Variants in CUL4A observed in about 807,000 individuals in gnomAD.
CUL4A encodes the protein cullin-4A.
Under a neutral mutation model 95.5 loss-of-function variants are expected in CUL4A, and 16 were observed. The ratio of observed to expected loss-of-function variants is 0.17; its 90% CI spans 0.11 to 0.25. The LOEUF (loss-of-function observed/expected upper bound fraction) is 0.25, where lower values mean the gene tolerates loss of function less well. CUL4A is among the 10% of genes least tolerant of loss of function. CUL4A has a pLI of 1.00. For synonymous variants in CUL4A, 380 were observed against 353.1 expected, an observed-to-expected ratio of 1.08 and a Z score of -0.85; for missense variants, 610 against 937.0, an observed-to-expected ratio of 0.65 and a Z score of 4.56.
rs2042346939 is a variant in CUL4A at position 113,263,647 on chromosome 13, T to C, written c.*65T>C. ...GTACCCTCAGAGCAGGAAGCACACC[T>C]GTGCCATTTCTGGGACTCTGATTGA... On this transcript the variant is annotated 3_prime_UTR_variant, in exon 20 of 20. Transcript: ENST00000375440. The C allele has an allele frequency of 2.9e-6, 3 of 1,052,172 alleles. No homozygotes were observed. The highest frequency in any genetic ancestry group is 2.6e-5 in the East Asian group (1 of 38,108). The allele number at this position is 1,052,172 out of a possible 1,614,324, so 65.2% of individuals were successfully genotyped here. A position where few individuals can be genotyped will look rare whatever the true frequency, so the allele number is the denominator to read the frequency against.
chr13:113,258,054 C>CTGGA (rs2042175407), intron 18 of CUL4A, among the ~76,000 whole-genome samples: 1 of 152,084 alleles, frequency 6.6e-6, no homozygotes, highest in South Asian at 2.1e-4. Context: ...GTCGCCCAGG[C>CTGGA]TGGAGTGCAG....
In CUL4A at chr13:113,243,078, G is replaced by A. The variant is rs971211908; in HGVS notation, c.1146G>A (p.Lys382=). 6.2e-7 allele frequency: 1 copy of A among 1,614,124 alleles called. No homozygotes were observed. Among genetic ancestry groups the A allele is most frequent in the Non-Finnish European group, 8.5e-7 (1 of 1,180,036 alleles). Residue 382 remains lysine (K), a synonymous_variant, in exon 11 of 20, where the codon AAG becomes AAA. Coordinates refer to ENST00000375440, the MANE Select transcript of CUL4A (RefSeq NM_001008895.4). ...VDHVIEVCFQ[K]NERFVNLMKE... is the part of the protein sequence containing the mutation. ...ACGTGATCGAGGTCTGCTTCCAGAAGAATGAGCGGTTCGTCAACCTGATGA... is the reference window on the plus strand; with the variant it reads ...ACGTGATCGAGGTCTGCTTCCAGAAAAATGAGCGGTTCGTCAACCTGATGA...
intron 8 of CUL4A, among the ~76,000 whole-genome samples, chr13:113,235,478 G>A (rs905383887): frequency 7.9e-5 from 12 of 151,986 alleles, no homozygotes; most frequent in East Asian, 5.8e-4. Context: ...ATTTTATATC[G>A]CTTTAATTTT....
chr13:113,252,158 C>T (rs1017698225), intron 15 of CUL4A, among the ~76,000 whole-genome samples: 19 of 152,258 alleles, frequency 1.2e-4, no homozygotes, highest in Admixed American at 5.2e-4. Flanking sequence ...GAGCAGGATC[C>T]GGGCGATGGG....
At chr13:113,225,143 AGTAGGCT>A (rs1259618106) in intron 3 of CUL4A, among the ~76,000 whole-genome samples, 1 of 152,092 alleles carries the variant, frequency 6.6e-6, no homozygotes, top group Admixed American at 6.5e-5. Context: ...AACTCGTCTC[AGTAGGCT>A]GTATAAATCG....
At chr13:113,209,478 G>A, upstream of CUL4A, 1 of 281,042 alleles carries the variant, frequency 3.6e-6, no homozygotes, top group Non-Finnish European at 5.4e-6. Flanking sequence ...GGAGTAGCCG[G>A]GCGCGGCGGC....
rs536482868 is a variant in CUL4A at position 113,243,621 on chromosome 13, AAG to A, written c.1228+466_1228+467del. ...TTTAATTCGAAGGAGAAAGGGGGCAAAGAGAGCTGAAATACGACGATACTAGA... is the reference window on the plus strand; with the variant it reads ...TTTAATTCGAAGGAGAAAGGGGGCAAAGAGCTGAAATACGACGATACTAGA... On this transcript the variant is annotated intron_variant, in intron 11 of 19. Coordinates refer to ENST00000375440, the MANE Select transcript of CUL4A (RefSeq NM_001008895.4). Among the ~76,000 whole-genome samples the A allele has an allele frequency of 3.9e-4, 59 of 152,112 alleles. No homozygotes were observed. The South Asian group carries it at 7.9e-3, about 20-fold the overall frequency.
intron 15 of CUL4A, among the ~76,000 whole-genome samples, chr13:113,249,914 G>C (rs370327456): frequency 6.6e-6 from 1 of 152,122 alleles, no homozygotes; most frequent in Non-Finnish European, 1.5e-5. Flanking sequence ...GTCTGTTCAC[G>C]TGCTTTGCCT....
At chr13:113,230,922 C>CA (rs1401634957) in intron 5 of CUL4A, among the ~76,000 whole-genome samples, 1 of 152,024 alleles carries the variant, frequency 6.6e-6, no homozygotes, top group Non-Finnish European at 1.5e-5. Flanking sequence ...AGGCACGCAC[C>CA]ACCACATTCG....
intron 15 of CUL4A, among the ~76,000 whole-genome samples, chr13:113,250,709 A>G (rs2041972530): frequency 6.6e-6 from 1 of 152,176 alleles, no homozygotes; most frequent in South Asian, 2.1e-4. Context: ...TCAAGGCAAA[A>G]AGAAAGAAGA....
At position 113,210,100 on chromosome 13, in the gene CUL4A, G is replaced by A; in HGVS notation, c.264+12G>A. 6.7e-7 allele frequency: 1 copy of A among 1,481,908 alleles called. No homozygotes were observed. The highest frequency in any genetic ancestry group is 9.0e-7 in the Non-Finnish European group (1 of 1,112,486). The allele number at this position is 1,481,908 out of a possible 1,614,324, so 91.8% of individuals were successfully genotyped here. Reference sequence around the variant, plus strand: ...AGGAGCTCTACCAGGTGAGGCGGCGGCCGGGGCTGGGGACGCCGCTCCTGC... The same window carrying A: ...AGGAGCTCTACCAGGTGAGGCGGCGACCGGGGCTGGGGACGCCGCTCCTGC... On this transcript the variant is annotated intron_variant, in intron 2 of 19. Transcript: ENST00000375440.
Position 113,234,012 on chromosome 13 carries a change from C to T in CUL4A, c.765+26C>T, listed in dbSNP as rs184027503. On this transcript the variant is annotated intron_variant, in intron 7 of 19. Coordinates refer to ENST00000375440, the MANE Select transcript of CUL4A (RefSeq NM_001008895.4). ...GTGAGATGATGGGATGTTTCCGAAT[C>T]CCCTGGCTTCGTTTCTGCAGATGAG... is the stretch of plus-strand genomic sequence containing the variant. The T allele has an allele frequency of 2.0e-3, 2,967 of 1,487,206 alleles. 4 individuals carry two copies. Among genetic ancestry groups the T allele is most frequent in the Non-Finnish European group, 2.3e-3 (2,465 of 1,071,308 alleles). The allele number at this position is 1,487,206 out of a possible 1,614,324, so 92.1% of individuals were successfully genotyped here. A position where few individuals can be genotyped will look rare whatever the true frequency, so the allele number is the denominator to read the frequency against.
At chr13:113,234,401 T>TA in intron 7 of CUL4A, among the ~76,000 whole-genome samples, 1 of 152,264 alleles carries the variant, frequency 6.6e-6, no homozygotes, top group East Asian at 1.9e-4. Flanking sequence ...CCAAAAAACT[T>TA]AATCACCTTT....
intron 14 of CUL4A, among the ~76,000 whole-genome samples, chr13:113,245,733 G>T (rs1011093784): frequency 2.0e-5 from 3 of 152,150 alleles, no homozygotes; most frequent in Non-Finnish European, 2.9e-5. Flanking sequence ...AGATCTAAAC[G>T]TGTGGCAAGA....
At chr13:113,241,191 G>A (rs1595399844) in intron 10 of CUL4A, among the ~76,000 whole-genome samples, 1 of 152,140 alleles carries the variant, frequency 6.6e-6, no homozygotes, top group South Asian at 2.1e-4. Flanking sequence ...TTTTGCCAGT[G>A]AGACAGTCTT....
chr13:113,208,311 C>G (rs748483828), upstream of CUL4A: 1 of 1,432,074 alleles, frequency 7.0e-7, no homozygotes, highest in African/African-American at 1.4e-5. Flanking sequence ...CACGTGCCAG[C>G]AAGTGAGGGC....
In CUL4A at chr13:113,239,622, C is replaced by T. The variant is rs1262271102; in HGVS notation, c.1035+71C>T. ...GGAGCAGAGCCCCTCCTGAGAACGCCTAGTGTGCCCTGGCAAAGGGAACTG... is the reference window on the plus strand; with the variant it reads ...GGAGCAGAGCCCCTCCTGAGAACGCTTAGTGTGCCCTGGCAAAGGGAACTG... On this transcript the variant is annotated intron_variant, in intron 10 of 19. Coordinates refer to ENST00000375440, the MANE Select transcript of CUL4A (RefSeq NM_001008895.4). The T allele has an allele frequency of 4.3e-6, 5 of 1,161,786 alleles. No individual in the cohort carries two copies. In the African/African-American group the frequency reaches 6.2e-5, roughly 14 times the overall value. The allele number at this position is 1,161,786 out of a possible 1,614,324, so 72.0% of individuals were successfully genotyped here. A position where few individuals can be genotyped will look rare whatever the true frequency, so the allele number is the denominator to read the frequency against.
intron 16 of CUL4A, 96 bp from the exon 17 acceptor site, chr13:113,254,594 CAAA>C (rs34804715): frequency 3.1e-6 from 2 of 641,382 alleles, no homozygotes; most frequent in Non-Finnish European, 2.5e-6. Context: ...GACTCCTTCT[CAAA>C]AAAAAAAAAG....
chr13:113,219,737 A>G (rs1214113512), intron 3 of CUL4A: 3 of 152,266 alleles, frequency 2.0e-5, no homozygotes, highest in Non-Finnish European at 2.9e-5. Flanking sequence ...AACCCAGTCA[A>G]GGAATGATGA....
Sources: gnomAD v4.1 joint callset for allele counts (sites outside exome capture counted in the v4.1 genomes callset) on GRCh38, gnomAD v4.1.1 for gene constraint, MANE v1.5 for transcripts, NCBI Gene and HGNC (gene_info 2026-07-23, HGNC 2026-07-21) for gene names.